The following OR5AN1 variants were observed in gnomAD, a reference collection of about 807,000 sequenced individuals.
OR5AN1 encodes the protein olfactory receptor family 5 subfamily AN member 1.
For synonymous variants in OR5AN1, 167 were observed against 131.8 expected, an observed-to-expected ratio of 1.27 and a Z score of -1.83; for missense variants, 476 against 368.9, an observed-to-expected ratio of 1.29 and a Z score of -2.38.
At position 59,369,974 on chromosome 11, in the gene OR5AN1, A is replaced by G. The variant is rs568571822; in HGVS notation, c.*4580A>G. On this transcript the variant is annotated 3_prime_UTR_variant, in exon 2 of 2. Transcript: ENST00000641998. ...TTTTGTCTTCCACATCCTTAAAGAAAATAGTCTTCAACCAAGAATTTCATA... is the reference window on the plus strand; with the variant it reads ...TTTTGTCTTCCACATCCTTAAAGAAGATAGTCTTCAACCAAGAATTTCATA... 3.9e-5 allele frequency: 6 copies of G among 152,318 alleles called. 1 individual carries two copies. In the East Asian group the frequency reaches 1.2e-3, roughly 29 times the overall value. 9.4% of individuals were successfully genotyped at this position (152,318 alleles called of 1,614,324 possible).
At position 59,365,429 on chromosome 11, in the gene OR5AN1, C is replaced by G. The variant is rs1857520122; in HGVS notation, c.*35C>G. 7.9e-7 allele frequency: 1 copy of G among 1,267,074 alleles called. No homozygotes were observed. Among genetic ancestry groups the G allele is most frequent in the African/African-American group, 1.5e-5 (1 of 67,058 alleles). 78.5% of individuals were successfully genotyped at this position (1,267,074 alleles called of 1,614,324 possible). On this transcript the variant is annotated 3_prime_UTR_variant, in exon 2 of 2. Coordinates refer to ENST00000641998, the MANE Select transcript of OR5AN1 (RefSeq NM_001004729.2). ...TTCTGAGATTTCTGCCAGATATGGC[C>G]CATCAGAATCTCCCTAACCCACAAA...
rs539977064 is a variant in OR5AN1 at position 59,371,271 on chromosome 11, G to A, written c.*5877G>A. 1 of 152,216 alleles carries A rather than the reference G, an allele frequency of 6.6e-6. No individual in the cohort carries two copies. Among genetic ancestry groups the A allele is most frequent in the Non-Finnish European group, 1.5e-5 (1 of 68,022 alleles). 9.4% of individuals were successfully genotyped at this position (152,216 alleles called of 1,614,324 possible). The stretch of plus-strand genomic sequence containing the variant: ...TAATCAGTACTCAAAAACATAGTAT[G>A]AGTGCAAAAATGTTCACTGATTTGG... On this transcript the variant is annotated 3_prime_UTR_variant, in exon 2 of 2. Coordinates refer to ENST00000641998, the MANE Select transcript of OR5AN1 (RefSeq NM_001004729.2).
At position 59,365,164 on chromosome 11, in the gene OR5AN1, T is replaced by G. The variant is rs1857511132; in HGVS notation, c.706T>G (p.Ser236Ala). ...GAAGATCACTTCAGCTAAAGGCAGG[T>G]CCAAGGCATTCAACACCTGTGCTTC... ...IMKITSAKGR[S>A]KAFNTCASHL... Residue 236 changes from serine to alanine, a missense_variant, in exon 2 of 2, where the codon TCC (serine) becomes GCC (alanine). Ser to Ala is a moderately conservative substitution (Grantham distance 99, BLOSUM62 1). Transcript: ENST00000641998. 2 of 1,613,980 alleles carry G rather than the reference T, an allele frequency of 1.2e-6. No homozygotes were observed. The highest frequency in any genetic ancestry group is 1.7e-6 in the Non-Finnish European group (2 of 1,179,940).
chr11:59,365,226 A>G lies in OR5AN1; in HGVS notation c.768A>G (p.Gly256=). The G allele has an allele frequency of 6.2e-7, 1 of 1,614,074 alleles. No homozygotes were observed. The highest frequency in any genetic ancestry group is 1.3e-5 in the African/African-American group (1 of 75,038). The change falls in exon 2 of 2, where the codon GGA becomes GGG. Residue 256 remains glycine, a synonymous_variant. Transcript: ENST00000641998. ...CTGTTTCCCTCTTCTATACATCAGG[A>G]ATCTTTGTCTATTTGAGTTCCAGCT... is the stretch of plus-strand genomic sequence containing the variant. ...LTAVSLFYTS[G]IFVYLSSSSG...
chr11:59,364,069 T>A (rs1857494874), intron 1 of OR5AN1, among the ~76,000 whole-genome samples: 1 of 152,192 alleles, frequency 6.6e-6, no homozygotes, highest in Non-Finnish European at 1.5e-5. Context: ...AGCCTAAGCT[T>A]TCATAATTTT....
In OR5AN1 at chr11:59,369,181, A is replaced by T. The variant is rs1316697116; in HGVS notation, c.*3787A>T. ...AGAGATGAGAAAAAAAAAACAATGT[A>T]AGAACTCTGGTAACTCAAATGGCCA... On this transcript the variant is annotated 3_prime_UTR_variant, in exon 2 of 2. Coordinates refer to ENST00000641998, the MANE Select transcript of OR5AN1 (RefSeq NM_001004729.2). 1 of 151,894 alleles carries T rather than the reference A, an allele frequency of 6.6e-6. No homozygotes were observed. The highest frequency in any genetic ancestry group is 1.5e-5 in the Non-Finnish European group (1 of 67,960). 9.4% of individuals were successfully genotyped at this position (151,894 alleles called of 1,614,324 possible). A position where few individuals can be genotyped will look rare whatever the true frequency, so the allele number is the denominator to read the frequency against.
rs868511922 is a variant in OR5AN1, at chr11:59,365,111, C to A, written c.653C>A (p.Ser218Tyr). ...GCAAGTGCCCTAGTTATCATGATAT[C>A]CTATGGCTATATTGGCATCTCCATC... The part of the protein sequence containing the change: ...GIASALVIMI[S>Y]YGYIGISIMK... The change falls in exon 2 of 2, where the codon TCC becomes TAC. Residue 218 changes from serine to tyrosine, a missense_variant. By Grantham distance (144) the Ser-to-Tyr change is moderately radical (BLOSUM62 -2). Transcript: ENST00000641998. The A allele has an allele frequency of 1.2e-6, 2 of 1,614,076 alleles. No homozygotes were observed.
intron 1 of OR5AN1, among the ~76,000 whole-genome samples, chr11:59,363,484 A>T (rs1330540439): frequency 6.6e-6 from 1 of 152,188 alleles, no homozygotes; most frequent in African/African-American, 2.4e-5. Context: ...GCTTTGTATT[A>T]AGGCTTCCCT....
chr11:59,364,809 A>G lies in OR5AN1; in HGVS notation c.351A>G (p.Thr117=), dbSNP rs749847117. 5.9e-5 allele frequency: 95 copies of G among 1,613,966 alleles called. No individual in the cohort carries two copies. The highest frequency in any genetic ancestry group is 7.6e-5 in the Non-Finnish European group (90 of 1,179,950). Reference sequence around the variant, plus strand: ...GACTGAGTGAGTCTTGTCTCATGACAGCCATGGCTTATGATCGTTATGCTG... The same window carrying G: ...GACTGAGTGAGTCTTGTCTCATGACGGCCATGGCTTATGATCGTTATGCTG... ...TMGLSESCLM[T]AMAYDRYAAI... is the part of the protein sequence containing the mutation. The change falls in exon 2 of 2, where the codon ACA becomes ACG. Residue 117 remains threonine (T), a synonymous_variant. Transcript: ENST00000641998.
At chr11:59,363,399 G>C (rs1196093106) in intron 1 of OR5AN1, among the ~76,000 whole-genome samples, 1 of 152,154 alleles carries the variant, frequency 6.6e-6, no homozygotes, top group Non-Finnish European at 1.5e-5. Flanking sequence ...ACATTACTAT[G>C]CTGTTTCCCA....
intron 1 of OR5AN1, among the ~76,000 whole-genome samples, chr11:59,362,667 C>T (rs1857477063): frequency 6.6e-6 from 1 of 152,068 alleles, no homozygotes; most frequent in Non-Finnish European, 1.5e-5. Context: ...CATTGGTTTG[C>T]TCTTTGATCT....
intron 1 of OR5AN1, among the ~76,000 whole-genome samples, chr11:59,361,623 G>A (rs993460759): frequency 1.3e-5 from 2 of 152,062 alleles, no homozygotes; most frequent in Non-Finnish European, 1.5e-5. Context: ...TTCCATCCTT[G>A]CAACAACGCT....
Position 59,370,666 on chromosome 11 carries a change from G to C in OR5AN1, c.*5272G>C, listed in dbSNP as rs1565055253. 1 of 152,184 alleles carries C rather than the reference G, an allele frequency of 6.6e-6. No individual in the cohort carries two copies. The highest frequency in any genetic ancestry group is 1.5e-5 in the Non-Finnish European group (1 of 68,038). 9.4% of individuals were successfully genotyped at this position (152,184 alleles called of 1,614,324 possible). A position where few individuals can be genotyped will look rare whatever the true frequency, so the allele number is the denominator to read the frequency against. On this transcript the variant is annotated 3_prime_UTR_variant, in exon 2 of 2. Coordinates refer to ENST00000641998, the MANE Select transcript of OR5AN1 (RefSeq NM_001004729.2). ...ATATAAGTGACATAAGCAAGATGGG[G>C]AGTCAGGGATCTCAGCCCTCATCAC... is the stretch of plus-strand genomic sequence containing the variant.
Position 59,367,641 on chromosome 11 carries a change from T to A in OR5AN1, c.*2247T>A, listed in dbSNP as rs1857549144. ...CTGTCATCTTTGCTGTTCAGATGCC[T>A]TAGCTGTTCCGGCCTTTGGGCTTTG... is the stretch of plus-strand genomic sequence containing the variant. On this transcript the variant is annotated 3_prime_UTR_variant, in exon 2 of 2. Coordinates refer to ENST00000641998, the MANE Select transcript of OR5AN1 (RefSeq NM_001004729.2). 1 of 152,374 alleles carries A rather than the reference T, an allele frequency of 6.6e-6. No individual in the cohort carries two copies. The highest frequency in any genetic ancestry group is 6.5e-5 in the Admixed American group (1 of 15,276). The allele number at this position is 152,374 out of a possible 1,614,324, so 9.4% of individuals were successfully genotyped here.
chr11:59,363,843 A>G (rs980476728), intron 1 of OR5AN1, among the ~76,000 whole-genome samples: 8 of 151,998 alleles, frequency 5.3e-5, no homozygotes, highest in African/African-American at 1.9e-4. Context: ...CCTCACTGCA[A>G]CCTCTGCCTC....
At chr11:59,364,113 C>G (rs1857495358) in intron 1 of OR5AN1, among the ~76,000 whole-genome samples, 1 of 152,140 alleles carries the variant, frequency 6.6e-6, no homozygotes, top group African/African-American at 2.4e-5. Context: ...CACCAGAGGT[C>G]TTTTTGAAGA....
rs375132513 is a variant in OR5AN1, at chr11:59,360,841, C to T, written c.-14+1569C>T. 9.9e-5 allele frequency among the ~76,000 whole-genome samples: 15 copies of T among 152,222 alleles called. No homozygotes were observed. The East Asian group carries it at 2.5e-3, about 25-fold the overall frequency. ...GTAAACAGAAAGATTTCCAAGTTAACAAAACCATAATGGAAATAAAAATAA... is the reference window on the plus strand; with the variant it reads ...GTAAACAGAAAGATTTCCAAGTTAATAAAACCATAATGGAAATAAAAATAA... On this transcript the variant is annotated intron_variant, in intron 1 of 1. Coordinates refer to ENST00000641998, the MANE Select transcript of OR5AN1 (RefSeq NM_001004729.2).
In OR5AN1 at chr11:59,368,391, C is replaced by T. The variant is rs569923486; in HGVS notation, c.*2997C>T. On this transcript the variant is annotated 3_prime_UTR_variant, in exon 2 of 2. Transcript: ENST00000641998. ...AAGCCAGTATCAAATCACCAACTCC[C>T]TAGACAGAGCTTCCGAGGTCAACAG... 6.6e-6 allele frequency: 1 copy of T among 152,482 alleles called. No homozygotes were observed. The highest frequency in any genetic ancestry group is 1.9e-4 in the East Asian group (1 of 5,192). 9.4% of individuals were successfully genotyped at this position (152,482 alleles called of 1,614,324 possible). A position where few individuals can be genotyped will look rare whatever the true frequency, so the allele number is the denominator to read the frequency against.
rs778838873 is a variant in OR5AN1 at position 59,365,359 on chromosome 11, G to A, written c.901G>A (p.Ala301Thr). ...TTTGAGGAACAAAGAAATTAAAGAT[G>A]CCTTAAAGAGGTTGCAAAAGAGAAA... ...YSLRNKEIKD[A>T]LKRLQKRKCC The change falls in exon 2 of 2, where the codon GCC becomes ACC. Residue 301 changes from alanine (A) to threonine (T), a missense_variant. Physicochemically the swap from Ala to Thr is moderately conservative, Grantham distance 58. Transcript: ENST00000641998. The A allele has an allele frequency of 2.5e-6, 4 of 1,602,128 alleles. No homozygotes were observed. The African/African-American group carries it at 4.0e-5, about 16-fold the overall frequency.
Sources: gnomAD v4.1 joint callset for allele counts (sites outside exome capture counted in the v4.1 genomes callset) on GRCh38, gnomAD v4.1.1 for gene constraint, MANE v1.5 for transcripts, NCBI Gene and HGNC (gene_info 2026-07-23, HGNC 2026-07-21) for gene names.